DUS2: variants seen among roughly 807,000 people sequenced by gnomAD.
The protein encoded by DUS2 is tRNA-dihydrouridine(20) synthase [NAD(P)+]-like.
DUS2 carries 52 observed loss-of-function variants against 71.3 expected under a neutral mutation model. The ratio of observed to expected loss-of-function variants is 0.73; its 90% CI spans 0.58 to 0.92. The LOEUF (loss-of-function observed/expected upper bound fraction) is 0.92, where lower values mean the gene tolerates loss of function less well. Among genes scored for constraint, DUS2 ranks in the 40% least tolerant of loss-of-function variants. The probability of loss-of-function intolerance (pLI) is 0.00; values close to 1 mark genes in which losing one functional copy is unlikely to be tolerated. For missense variants in DUS2, 558 were observed against 622.6 expected (o/e 0.90, Z 1.10); for synonymous variants, 204 against 227.8 (o/e 0.90, Z 0.94).
At chr16:68,073,454 T>C (rs1306132004) in intron 12 of DUS2, among the ~76,000 whole-genome samples, 2 of 150,204 alleles carry the variant, frequency 1.3e-5, no homozygotes, top group Non-Finnish European at 3.0e-5. Flanking sequence ...TTTTTCTTTT[T>C]TTTTTTTTTT....
intron 4 of DUS2, among the ~76,000 whole-genome samples, chr16:68,050,191 G>T (rs1335908458): frequency 6.6e-6 from 1 of 151,836 alleles, no homozygotes; most frequent in East Asian, 1.9e-4. Flanking sequence ...AGGCTTGAGT[G>T]CAACGGCGCG....
At chr16:68,035,668 C>A (rs2151411961) in intron 2 of DUS2, among the ~76,000 whole-genome samples, 1 of 149,964 alleles carries the variant, frequency 6.7e-6, no homozygotes, top group South Asian at 2.1e-4. Flanking sequence ...GGATTATAGG[C>A]ATGAGCCACC....
At position 68,028,979 on chromosome 16, in the gene DUS2, G is replaced by A. The variant is rs555581016; in HGVS notation, c.-19+3485G>A. On this transcript the variant is annotated intron_variant, in intron 2 of 16. Coordinates refer to ENST00000565263, the MANE Select transcript of DUS2 (RefSeq NM_017803.5). ...CTTCAGAAGGTTAGGCAGGAGGATC[G>A]CTAGAGGCCAGGAGTTGGAGACTAG... is the stretch of plus-strand genomic sequence containing the variant. Among the ~76,000 whole-genome samples the A allele has an allele frequency of 1.1e-3, 170 of 152,192 alleles. 3 individuals are homozygous for A. The South Asian group carries it at 0.011, about 10-fold the overall frequency.
chr16:68,067,779 C>T (rs2034031159), intron 10 of DUS2, among the ~76,000 whole-genome samples: 1 of 152,178 alleles, frequency 6.6e-6, no homozygotes, highest in Non-Finnish European at 1.5e-5. Flanking sequence ...CCTGCCTCAG[C>T]CTCCTGAGTA....
intron 4 of DUS2, among the ~76,000 whole-genome samples, chr16:68,051,276 G>A (rs1441062758): frequency 1.3e-5 from 2 of 152,170 alleles, no homozygotes; most frequent in Non-Finnish European, 2.9e-5. Flanking sequence ...TCAAATGAGC[G>A]GATACTGAAC....
chr16:68,053,735 A>G, intron 5 of DUS2, 80 bp downstream of exon 5: 1 of 1,427,468 alleles, frequency 7.0e-7, no homozygotes, highest in Non-Finnish European at 9.9e-7. Flanking sequence ...GTGCCAGGCC[A>G]GTGTTGAATA....
chr16:68,035,855 C>T (rs1174264014), intron 2 of DUS2, among the ~76,000 whole-genome samples: 1 of 138,836 alleles, frequency 7.2e-6, no homozygotes, highest in East Asian at 2.0e-4. Flanking sequence ...GCTAGGATTA[C>T]AGGTGTGTAC....
intron 2 of DUS2, among the ~76,000 whole-genome samples, chr16:68,028,511 C>T (rs527597573): frequency 4.6e-5 from 7 of 152,040 alleles, no homozygotes; most frequent in East Asian, 1.9e-4. Flanking sequence ...TGGTGGTGGG[C>T]ACCTGTAATC....
At chr16:68,043,651 T>C (rs1008487414) in intron 3 of DUS2, among the ~76,000 whole-genome samples, 1 of 152,218 alleles carries the variant, frequency 6.6e-6, no homozygotes, top group African/African-American at 2.4e-5. Context: ...AATTATGTTT[T>C]TAGAAAGAAA....
At chr16:68,035,945 CAT>C (rs1301439822) in intron 2 of DUS2, among the ~76,000 whole-genome samples, 12 of 137,102 alleles carry the variant, frequency 8.8e-5, no homozygotes, top group African/African-American at 3.2e-4. Context: ...CATACATACA[CAT>C]ATATATACAC....
Position 68,078,979 on chromosome 16 carries a change from G to T in DUS2, c.1475G>T (p.Gly492Val). ...AGTGGTGAAGAAAGCCCCCTGGAAGGCTGGTGACTACTCTTCCTGCCTTAG... is the reference window on the plus strand; with the variant it reads ...AGTGGTGAAGAAAGCCCCCTGGAAGTCTGGTGACTACTCTTCCTGCCTTAG... ...LGSGEESPLE[G>V]W Residue 492 changes from glycine to valine, a missense_variant, in exon 17 of 17, where the codon GGC (glycine) becomes GTC (valine). Coordinates refer to ENST00000565263, the MANE Select transcript of DUS2 (RefSeq NM_017803.5). 1 of 1,566,052 alleles carries T rather than the reference G, an allele frequency of 6.4e-7. No homozygotes were observed.
At chr16:68,070,460 G>A (rs2034068152) in intron 11 of DUS2, among the ~76,000 whole-genome samples, 1 of 152,214 alleles carries the variant, frequency 6.6e-6, no homozygotes, top group Admixed American at 6.5e-5. Flanking sequence ...CAGAGCAGGG[G>A]GTCCTTGGAG....
At chr16:68,065,376 G>A (rs200024985) in intron 8 of DUS2, among the ~76,000 whole-genome samples, 3 of 137,866 alleles carry the variant, frequency 2.2e-5, no homozygotes, top group Admixed American at 7.2e-5. Flanking sequence ...CTGCCCCCCC[G>A]CTTTTTTTTT....
chr16:68,070,822 G>T, intron 11 of DUS2, 118 bp from the exon 12 acceptor site: 4 of 1,048,708 alleles, frequency 3.8e-6, no homozygotes, highest in Non-Finnish European at 5.7e-6. Flanking sequence ...TCTGATAGCT[G>T]AAGGGACTTG....
intron 7 of DUS2, among the ~76,000 whole-genome samples, chr16:68,057,750 G>A (rs757432169): frequency 6.6e-6 from 1 of 151,826 alleles, no homozygotes; most frequent in Non-Finnish European, 1.5e-5. Context: ...GCGTGGTGGT[G>A]TGTGCCTGTA....
intron 4 of DUS2, among the ~76,000 whole-genome samples, chr16:68,052,856 T>C (rs1303053859): frequency 6.6e-6 from 1 of 152,096 alleles, no homozygotes; most frequent in African/African-American, 2.4e-5. Flanking sequence ...TTGTGTAGGC[T>C]GGTTTCAAAC....
chr16:68,030,492 G>C (rs1461062864), intron 2 of DUS2, among the ~76,000 whole-genome samples: 1 of 152,104 alleles, frequency 6.6e-6, no homozygotes, highest in East Asian at 1.9e-4. Context: ...TCAGGAGGCT[G>C]AGGCAGGAGA....
At chr16:68,076,978 C>T (rs543307620) in intron 15 of DUS2, among the ~76,000 whole-genome samples, 3 of 151,928 alleles carry the variant, frequency 2.0e-5, no homozygotes, top group African/African-American at 4.8e-5. Context: ...TGGTCTCAGC[C>T]GGGCACGGTG....
intron 10 of DUS2, among the ~76,000 whole-genome samples, chr16:68,069,214 C>T (rs1056075539): frequency 5.9e-5 from 9 of 151,966 alleles, no homozygotes; most frequent in Non-Finnish European, 1.3e-4. Flanking sequence ...CATGGTAAAA[C>T]CCTGTTTCTA....
Sources: allele counts gnomAD v4.1 joint callset (sites outside exome capture counted in the v4.1 genomes callset), GRCh38; gene constraint gnomAD v4.1.1; transcripts MANE v1.5; gene names NCBI Gene and HGNC (gene_info 2026-07-23, HGNC 2026-07-21).